The following EBF1 variants were observed in gnomAD, a reference collection of about 807,000 sequenced individuals.
The protein encoded by EBF1 is transcription factor COE1.
A neutral mutation model predicts 68.4 loss-of-function variants in EBF1; 10 were observed. The ratio of observed to expected loss-of-function variants is 0.15; its 90% CI spans 0.09 to 0.25. EBF1 has a LOEUF of 0.25. EBF1 is among the 10% of genes least tolerant of loss of function. The pLI, the probability that EBF1 is intolerant of heterozygous loss-of-function variation, is 1.00. For missense variants in EBF1, 509 were observed against 794.4 expected (o/e 0.64, Z 4.32); for synonymous variants, 298 against 299.8 (o/e 0.99, Z 0.06).
chr5:158,871,451 C>G (rs912692822), intron 6 of EBF1, among the ~76,000 whole-genome samples: 2 of 152,046 alleles, frequency 1.3e-5, no homozygotes, highest in South Asian at 2.1e-4. Flanking sequence ...GAATATTTAC[C>G]TAATAATAAT....
At chr5:159,057,439 T>C (rs1284002164) in intron 6 of EBF1, among the ~76,000 whole-genome samples, 1 of 152,200 alleles carries the variant, frequency 6.6e-6, no homozygotes, top group Non-Finnish European at 1.5e-5. Flanking sequence ...ACAATTTAAC[T>C]TGTGCTCCGT....
intron 6 of EBF1, among the ~76,000 whole-genome samples, chr5:159,061,169 A>AT (rs1334170319): frequency 6.6e-6 from 1 of 152,052 alleles, no homozygotes; most frequent in African/African-American, 2.4e-5. Context: ...CTCGCTCGAC[A>AT]TTTAATACAG....
At chr5:158,952,317 T>C (rs961292723) in intron 6 of EBF1, among the ~76,000 whole-genome samples, 1 of 152,164 alleles carries the variant, frequency 6.6e-6, no homozygotes, top group South Asian at 2.1e-4. Flanking sequence ...CCCTGTCAAT[T>C]GTTAAGTCTA....
intron 6 of EBF1, among the ~76,000 whole-genome samples, chr5:158,872,365 T>C (rs1172659484): frequency 6.6e-6 from 1 of 152,030 alleles, no homozygotes; most frequent in Admixed American, 6.5e-5. Context: ...CCCAGCTAAT[T>C]TGTGTATTTT....
At chr5:158,756,175 G>A (rs1770045804) in intron 10 of EBF1, among the ~76,000 whole-genome samples, 3 of 152,032 alleles carry the variant, frequency 2.0e-5, no homozygotes, top group Non-Finnish European at 4.4e-5. Context: ...CTGGCAGGCT[G>A]TTTCCCTCTG....
At chr5:158,875,474 T>C (rs1168787845) in intron 6 of EBF1, among the ~76,000 whole-genome samples, 1 of 152,206 alleles carries the variant, frequency 6.6e-6, no homozygotes, top group Non-Finnish European at 1.5e-5. Context: ...TATTTCTAAT[T>C]AGTCCTTGAG....
At chr5:158,909,967 A>G (rs1036391196) in intron 6 of EBF1, among the ~76,000 whole-genome samples, 32 of 145,222 alleles carry the variant, frequency 2.2e-4, no homozygotes, top group South Asian at 1.3e-3. Context: ...AAAAAAAAAA[A>G]AAAAAAAAAA....
At chr5:159,028,502 A>G (rs563756131) in intron 6 of EBF1, among the ~76,000 whole-genome samples, 39 of 152,338 alleles carry the variant, frequency 2.6e-4, no homozygotes, top group Non-Finnish European at 4.1e-4. Flanking sequence ...ATGGTGAGCA[A>G]GAAGGATAAG....
At chr5:158,917,049 A>G (rs916150666) in intron 6 of EBF1, among the ~76,000 whole-genome samples, 9 of 152,178 alleles carry the variant, frequency 5.9e-5, no homozygotes, top group African/African-American at 2.2e-4. Context: ...ACTCTTCACT[A>G]GTGTCCTGCC....
chr5:159,062,794 A>T (rs1464771497), intron 6 of EBF1, among the ~76,000 whole-genome samples: 1 of 152,244 alleles, frequency 6.6e-6, no homozygotes, highest in Non-Finnish European at 1.5e-5. Context: ...TGTAATACAC[A>T]TAGTTAATAG....
At chr5:158,819,058 G>C (rs925526997) in intron 8 of EBF1, among the ~76,000 whole-genome samples, 2 of 151,992 alleles carry the variant, frequency 1.3e-5, no homozygotes, top group African/African-American at 4.8e-5. Flanking sequence ...CATGGAGGAG[G>C]CAAGTCCTCC....
intron 8 of EBF1, among the ~76,000 whole-genome samples, chr5:158,822,216 G>T (rs138601931): frequency 2.1e-4 from 32 of 152,210 alleles, no homozygotes; most frequent in Admixed American, 4.6e-4. Context: ...CTAATATGGT[G>T]ACTGGTATCC....
chr5:158,994,340 G>GGTA (rs1346152709), intron 6 of EBF1, among the ~76,000 whole-genome samples: 2 of 152,174 alleles, frequency 1.3e-5, no homozygotes, highest in Non-Finnish European at 2.9e-5. Flanking sequence ...CAGTGGCTTT[G>GGTA]CCCAAACCCA....
chr5:158,812,540 A>G (rs1195910803), intron 8 of EBF1, among the ~76,000 whole-genome samples: 1 of 152,144 alleles, frequency 6.6e-6, no homozygotes, highest in Non-Finnish European at 1.5e-5. Context: ...TAGCAGCCAG[A>G]TGAGAAAACA....
At chr5:159,024,869 TG>T (rs1252502765) in intron 6 of EBF1, among the ~76,000 whole-genome samples, 1 of 152,220 alleles carries the variant, frequency 6.6e-6, no homozygotes, top group Non-Finnish European at 1.5e-5. Flanking sequence ...TCAGCTGGAA[TG>T]GCCAGCCATC....
intron 6 of EBF1, among the ~76,000 whole-genome samples, chr5:159,008,443 C>T (rs1459044361): frequency 7.2e-6 from 1 of 139,168 alleles, no homozygotes; most frequent in African/African-American, 2.5e-5. Context: ...AGAAAATACA[C>T]CTCAAATGCA....
chr5:158,727,617 A>G (rs528419328), intron 11 of EBF1, among the ~76,000 whole-genome samples: 1 of 152,340 alleles, frequency 6.6e-6, no homozygotes, highest in African/African-American at 2.4e-5. Flanking sequence ...TATATGAAAA[A>G]GGAAACCAAA....
chr5:159,011,911 C>T (rs899003782), intron 6 of EBF1, among the ~76,000 whole-genome samples: 17 of 152,202 alleles, frequency 1.1e-4, no homozygotes, highest in African/African-American at 4.1e-4. Flanking sequence ...GACTTTCTTG[C>T]TGTGTCATTC....
chr5:158,994,565 T>C (rs1008548482), intron 6 of EBF1, among the ~76,000 whole-genome samples: 1 of 152,206 alleles, frequency 6.6e-6, no homozygotes, highest in Middle Eastern at 3.2e-3. Flanking sequence ...TTGAGTAAAG[T>C]ATAATATTTC....
Sources: gnomAD v4.1 joint callset for allele counts (sites outside exome capture counted in the v4.1 genomes callset) on GRCh38, gnomAD v4.1.1 for gene constraint, MANE v1.5 for transcripts, NCBI Gene and HGNC (gene_info 2026-07-23, HGNC 2026-07-21) for gene names.